The following CERS5 variants were observed in gnomAD, a reference collection of about 807,000 sequenced individuals.
The protein encoded by CERS5 is LAG1 homolog, ceramide synthase 5.
A neutral mutation model predicts 58.9 loss-of-function variants in CERS5; 37 were observed. The ratio of observed to expected loss-of-function variants is 0.63; its 90% confidence interval spans 0.48 to 0.83. The LOEUF is 0.83. Ranked by LOEUF, CERS5 falls within the 40% of genes least tolerant of loss-of-function variation. The pLI is 0.00. For missense variants in CERS5, 398 were observed against 489.3 expected (o/e 0.81, Z 1.76); for synonymous variants, 147 against 177.8 (o/e 0.83, Z 1.38).
intron 4 of CERS5, 63 bp from the exon 5 acceptor site, chr12:50,138,680 T>C: frequency 1.4e-6 from 2 of 1,392,402 alleles, no homozygotes; most frequent in Middle Eastern, 1.8e-4. Context: ...AAGATCTACC[T>C]CATATAATCC....
In CERS5 at chr12:50,162,369, G is replaced by GT. The variant is rs2138283012; in HGVS notation, c.197+4731dup. Among the ~76,000 whole-genome samples, 2 of 152,200 alleles carry GT rather than the reference G, an allele frequency of 1.3e-5. 1 individual carries two copies. Among genetic ancestry groups the GT allele is most frequent in the South Asian group, 4.2e-4 (2 of 4,818 alleles). On this transcript the variant is annotated intron_variant, in intron 1 of 9. Transcript: ENST00000317551. ...ACTGGGCTGGGGAAAAAGACCAGTT[G>GT]TATGTTGCAACCTCTGAAAAGCTGA...
chr12:50,157,354 G>A (rs777096334), intron 1 of CERS5, among the ~76,000 whole-genome samples: 30 of 151,206 alleles, frequency 2.0e-4, no homozygotes, highest in Non-Finnish European at 2.7e-4. Flanking sequence ...GCAAGATTCC[G>A]TCTCTTAGGA....
chr12:50,135,737 T>G lies in CERS5; in HGVS notation c.867A>C (p.Pro289=), dbSNP rs1302223844. 1.2e-6 allele frequency: 2 copies of G among 1,608,018 alleles called. No individual in the cohort carries two copies. The highest frequency in any genetic ancestry group is 2.2e-5 in the South Asian group (2 of 90,966). The change falls in exon 8 of 10, where the codon CCA becomes CCC. Residue 289 remains proline (P), a synonymous_variant. Transcript: ENST00000317551. The stretch of plus-strand genomic sequence containing the variant: ...TCTACAGCCCTACCACTTACCAGAA[T>G]GGATAGATTCCTAGTCGTGTAACCA... ...VFMVTRLGIY[P]FWILNTTLFE...
intron 9 of CERS5, among the ~76,000 whole-genome samples, chr12:50,132,516 T>C (rs1339899397): frequency 6.6e-6 from 1 of 152,024 alleles, no homozygotes; most frequent in Non-Finnish European, 1.5e-5. Context: ...TGAAGGATAA[T>C]AAATGTGGTT....
chr12:50,148,749 C>CA (rs1952451833), intron 1 of CERS5, among the ~76,000 whole-genome samples: 1 of 150,758 alleles, frequency 6.6e-6, no homozygotes, highest in Non-Finnish European at 1.5e-5. Flanking sequence ...AATACAACAA[C>CA]AAAAAATTAG....
At chr12:50,155,518 C>T (rs992382051) in intron 1 of CERS5, among the ~76,000 whole-genome samples, 1 of 151,196 alleles carries the variant, frequency 6.6e-6, no homozygotes, top group African/African-American at 2.4e-5. Context: ...AGGTGGATCA[C>T]GAGGTCAAGA....
At chr12:50,157,788 G>A (rs1238088110) in intron 1 of CERS5, among the ~76,000 whole-genome samples, 1 of 152,066 alleles carries the variant, frequency 6.6e-6, no homozygotes, top group African/African-American at 2.4e-5. Context: ...ATCTACTGTA[G>A]GCCAGGCATG....
At position 50,143,144 on chromosome 12, in the gene CERS5, T is replaced by G. The variant is rs145574919; in HGVS notation, c.364A>C (p.Ile122Leu). The G allele has an allele frequency of 6.9e-5, 112 of 1,614,006 alleles. 2 individuals are homozygous for G. The African/African-American group carries it at 1.2e-3, about 17-fold the overall frequency. Residue 122 changes from isoleucine to leucine, a missense_variant, in exon 3 of 10, where the codon ATC becomes CTC. Coordinates refer to ENST00000317551, the MANE Select transcript of CERS5 (RefSeq NM_147190.5). The part of the protein sequence containing the change: ...SKQLDWNVRK[I>L]QCWFRHRRNQ... Reference sequence around the variant, plus strand: ...CTCCGATGGCGAAACCAGCATTGGATTTTTCGGACATTCCAATCCAGCTGC... The same window carrying G: ...CTCCGATGGCGAAACCAGCATTGGAGTTTTCGGACATTCCAATCCAGCTGC...
chr12:50,151,469 C>A (rs1246545925), intron 1 of CERS5, among the ~76,000 whole-genome samples: 1 of 152,178 alleles, frequency 6.6e-6, no homozygotes, highest in Non-Finnish European at 1.5e-5. Context: ...CCCTCTACCT[C>A]TTTGGCAGTG....
rs951706156 is a variant in CERS5 at position 50,167,145 on chromosome 12, G to T, written c.153C>A (p.Phe51Leu). Residue 51 changes from phenylalanine (F) to leucine (L), a missense_variant, in exon 1 of 10, where the codon TTC becomes TTA. Phe to Leu is a conservative substitution (Grantham distance 22). Coordinates refer to ENST00000317551, the MANE Select transcript of CERS5 (RefSeq NM_147190.5). ...YPRGRHILSV[F>L]PLAAGIFFVR... Reference sequence around the variant, plus strand: ...CGAAGAAGATGCCCGCCGCCAGCGGGAACACCGAGAGGATGTGCCGGCCGC... The same window carrying T: ...CGAAGAAGATGCCCGCCGCCAGCGGTAACACCGAGAGGATGTGCCGGCCGC... 2.5e-6 allele frequency: 4 copies of T among 1,588,636 alleles called. No homozygotes were observed. The East Asian group carries it at 9.3e-5, about 37-fold the overall frequency.
chr12:50,138,517 C>T (rs769478374), intron 5 of CERS5, 50 bp downstream of exon 5: 23 of 1,501,764 alleles, frequency 1.5e-5, no homozygotes, highest in Non-Finnish European at 1.9e-5. Context: ...CTCACTCACT[C>T]CACCTTATAC....
chr12:50,165,849 C>CT (rs1939821070), intron 1 of CERS5: 1 of 407,068 alleles, frequency 2.5e-6, no homozygotes, highest in Non-Finnish European at 4.9e-6. Context: ...AACATGTCTC[C>CT]TTTCTTGGAG....
chr12:50,164,535 C>T (rs1939660034), intron 1 of CERS5, among the ~76,000 whole-genome samples: 1 of 152,136 alleles, frequency 6.6e-6, no homozygotes, highest in Non-Finnish European at 1.5e-5. Flanking sequence ...GGTAATGGGT[C>T]TTAAAAGAAA....
intron 1 of CERS5, among the ~76,000 whole-genome samples, chr12:50,149,510 C>G (rs1937707372): frequency 6.6e-6 from 1 of 152,142 alleles, no homozygotes; most frequent in African/African-American, 2.4e-5. Context: ...ATTCACAATG[C>G]TACTTTTGTG....
intron 9 of CERS5, chr12:50,132,947 C>G (rs1951415884): frequency 7.8e-7 from 1 of 1,288,822 alleles, no homozygotes; most frequent in Non-Finnish European, 1.0e-6. Context: ...ATACTAGAAG[C>G]ACAGATACAC....
intron 9 of CERS5, chr12:50,133,234 C>T: frequency 9.1e-7 from 1 of 1,095,378 alleles, no homozygotes; most frequent in Non-Finnish European, 1.1e-6. Flanking sequence ...TCAGTACCTG[C>T]TCAAGCAGAG....
At position 50,144,483 on chromosome 12, in the gene CERS5, G is replaced by A. The variant is rs1952149910; in HGVS notation, c.198-426C>T. ...GAGATAATGTATATGAAAGACCCTG[G>A]CACAAAGGAGGTGATTAATAAATGG... is the stretch of plus-strand genomic sequence containing the variant. On this transcript the variant is annotated intron_variant, in intron 1 of 9. Coordinates refer to ENST00000317551, the MANE Select transcript of CERS5 (RefSeq NM_147190.5). 3 of 301,976 alleles carry A rather than the reference G, an allele frequency of 9.9e-6. No individual in the cohort carries two copies. The Admixed American group carries it at 1.4e-4, about 14-fold the overall frequency. 18.7% of individuals were successfully genotyped at this position (301,976 alleles called of 1,614,324 possible). A position where few individuals can be genotyped will look rare whatever the true frequency, so the allele number is the denominator to read the frequency against.
intron 1 of CERS5, among the ~76,000 whole-genome samples, chr12:50,157,809 C>T (rs1031410439): frequency 9.9e-5 from 15 of 151,982 alleles, no homozygotes; most frequent in Admixed American, 7.9e-4. Flanking sequence ...GTGATTCATG[C>T]CAGTAATCTC....
chr12:50,163,579 C>T (rs1379941507), intron 1 of CERS5, among the ~76,000 whole-genome samples: 4 of 152,122 alleles, frequency 2.6e-5, no homozygotes, highest in Admixed American at 6.5e-5. Context: ...GCCAGTAATC[C>T]CAAAACTTTG....
Sources: allele counts gnomAD v4.1 joint callset (sites outside exome capture counted in the v4.1 genomes callset), GRCh38; gene constraint gnomAD v4.1.1; transcripts MANE v1.5; gene names NCBI Gene and HGNC (gene_info 2026-07-23, HGNC 2026-07-21).